TAFA2: variants seen among roughly 807,000 people sequenced by gnomAD.
TAFA2 encodes TAFA chemokine like family member 2.
A neutral mutation model predicts 18.8 loss-of-function variants in TAFA2; 7 were observed. The observed-to-expected ratio is 0.37, with a 90% CI of 0.21 to 0.70. TAFA2 has a LOEUF of 0.70. TAFA2 is among the 30% of genes least tolerant of loss of function. The pLI, the probability that TAFA2 is intolerant of heterozygous loss-of-function variation, is 0.53. For synonymous variants in TAFA2, 60 were observed against 54.2 expected, an observed-to-expected ratio of 1.11 and a Z score of -0.47; for missense variants, 122 against 158.1, an observed-to-expected ratio of 0.77 and a Z score of 1.23.
chr12:61,859,188 CT>C (rs2121188292), intron 2 of TAFA2, among the ~76,000 whole-genome samples: 1 of 152,304 alleles, frequency 6.6e-6, no homozygotes, highest in African/African-American at 2.4e-5. Context: ...AAGCAGGCAC[CT>C]TCTTCACAGG....
At chr12:61,739,511 C>A (rs1868364705) in intron 4 of TAFA2, among the ~76,000 whole-genome samples, 1 of 152,000 alleles carries the variant, frequency 6.6e-6, no homozygotes, top group Non-Finnish European at 1.5e-5. Context: ...GAATATTTAT[C>A]TTTACCTTCA....
chr12:61,969,080 T>C (rs1171319721), intron 1 of TAFA2, among the ~76,000 whole-genome samples: 1 of 151,744 alleles, frequency 6.6e-6, no homozygotes, highest in Non-Finnish European at 1.5e-5. Flanking sequence ...GTGTTCTGTT[T>C]TTCCCTTTCG....
In TAFA2 at chr12:61,782,554, A is replaced by G. The variant is rs78301056; in HGVS notation, c.107-27530T>C. Among the ~76,000 whole-genome samples the G allele has an allele frequency of 1.2e-3, 189 of 151,840 alleles. 4 individuals are homozygous for G. The East Asian group carries it at 0.031, about 25-fold the overall frequency. ...TTTTTACACATGTTATACAAAACCA[A>G]GCTGCACCCTGTCCACTTTGGACTT... On this transcript the variant is annotated intron_variant, in intron 2 of 4. Coordinates refer to ENST00000416284, the MANE Select transcript of TAFA2 (RefSeq NM_178539.5).
At chr12:61,847,850 G>A (rs1873469421) in intron 2 of TAFA2, among the ~76,000 whole-genome samples, 1 of 152,140 alleles carries the variant, frequency 6.6e-6, no homozygotes, top group South Asian at 2.1e-4. Flanking sequence ...TGCAGAGTTA[G>A]AAAATAATAC....
intron 2 of TAFA2, among the ~76,000 whole-genome samples, chr12:61,851,938 T>C (rs1873685129): frequency 6.6e-6 from 1 of 151,422 alleles, no homozygotes; most frequent in Admixed American, 6.6e-5. Flanking sequence ...CCGGGCACGG[T>C]GGCTCACGCC....
intron 2 of TAFA2, among the ~76,000 whole-genome samples, chr12:61,787,767 A>G (rs1870799026): frequency 6.6e-6 from 1 of 151,648 alleles, no homozygotes; most frequent in Admixed American, 6.6e-5. Context: ...CCACAAAGGC[A>G]AACAATAAGA....
At chr12:62,045,379 T>A (rs530330906) in intron 1 of TAFA2, among the ~76,000 whole-genome samples, 1 of 147,120 alleles carries the variant, frequency 6.8e-6, no homozygotes, top group South Asian at 2.1e-4. Context: ...GACCAAGAAA[T>A]TTTTTTTAAG....
rs56953703 is a variant in TAFA2 at position 61,887,435 on chromosome 12, C to CT, written c.-1-20010dup. On this transcript the variant is annotated intron_variant, in intron 1 of 4. Coordinates refer to ENST00000416284, the MANE Select transcript of TAFA2 (RefSeq NM_178539.5). ...AGAAAACACAAGTGTGAGCTAATTG[C>CT]TTTTTTTTTTTATTATACTTTAAGT... 1.2e-3 allele frequency among the ~76,000 whole-genome samples: 183 copies of CT among 146,776 alleles called. 1 individual carries two copies. The South Asian group carries it at 0.015, about 12-fold the overall frequency.
intron 2 of TAFA2, among the ~76,000 whole-genome samples, chr12:61,799,607 A>G (rs923818014): frequency 2.0e-5 from 3 of 152,038 alleles, no homozygotes; most frequent in Non-Finnish European, 2.9e-5. Context: ...CGGATCACGA[A>G]GTCAGGAAAT....
intron 1 of TAFA2, among the ~76,000 whole-genome samples, chr12:62,256,469 C>T (rs913711467): frequency 6.6e-6 from 1 of 152,184 alleles, no homozygotes; most frequent in Non-Finnish European, 1.5e-5. Context: ...AGATTTCCTT[C>T]ACCCATTTAC....
intron 2 of TAFA2, among the ~76,000 whole-genome samples, chr12:61,804,956 T>C (rs1871548902): frequency 1.3e-5 from 2 of 151,910 alleles, no homozygotes; most frequent in South Asian, 4.1e-4. Flanking sequence ...TACTTCTACA[T>C]AAAAATAATC....
chr12:62,014,557 G>A (rs375021121), intron 1 of TAFA2, among the ~76,000 whole-genome samples: 5 of 152,082 alleles, frequency 3.3e-5, no homozygotes, highest in South Asian at 2.1e-4. Flanking sequence ...GCTTAACCCC[G>A]GAAGGCAGAG....
chr12:61,913,969 G>A (rs1309084365), intron 1 of TAFA2, among the ~76,000 whole-genome samples: 3 of 152,100 alleles, frequency 2.0e-5, no homozygotes, highest in Non-Finnish European at 2.9e-5. Context: ...TTTTGGAAAC[G>A]GTTTTGTGAT....
At chr12:62,052,815 G>A (rs1027684847) in intron 1 of TAFA2, among the ~76,000 whole-genome samples, 64 of 152,126 alleles carry the variant, frequency 4.2e-4, no homozygotes, top group Admixed American at 2.6e-4. Flanking sequence ...TCCAAGCACC[G>A]ATATTTATTG....
chr12:62,021,071 A>G (rs1038422946), intron 1 of TAFA2, among the ~76,000 whole-genome samples: 2 of 152,176 alleles, frequency 1.3e-5, no homozygotes, highest in Non-Finnish European at 2.9e-5. Flanking sequence ...TAGAACACTT[A>G]CTAAAACAGA....
chr12:62,219,830 C>A (rs2062753259), intron 1 of TAFA2, among the ~76,000 whole-genome samples: 1 of 152,094 alleles, frequency 6.6e-6, no homozygotes, highest in Non-Finnish European at 1.5e-5. Context: ...AACACATTAC[C>A]TTTAAAACAC....
At chr12:62,142,019 G>C (rs190015847) in intron 1 of TAFA2, among the ~76,000 whole-genome samples, 2 of 152,100 alleles carry the variant, frequency 1.3e-5, no homozygotes, top group East Asian at 1.9e-4. Context: ...GGCATCACAC[G>C]GTCTCCTCAC....
intron 1 of TAFA2, among the ~76,000 whole-genome samples, chr12:62,125,808 A>T (rs77094296): frequency 0.02 from 3,014 of 152,120 alleles, 95 homozygotes; most frequent in African/African-American, 0.066. Context: ...AGTTACTTAA[A>T]CTTTTTGTTT....
At chr12:62,048,100 A>G (rs1287323459) in intron 1 of TAFA2, among the ~76,000 whole-genome samples, 2 of 152,234 alleles carry the variant, frequency 1.3e-5, no homozygotes, top group African/African-American at 4.8e-5. Context: ...AATAGTTTTG[A>G]TAACAGCAAC....
Sources: gnomAD v4.1 joint callset for allele counts (sites outside exome capture counted in the v4.1 genomes callset) on GRCh38, gnomAD v4.1.1 for gene constraint, MANE v1.5 for transcripts, NCBI Gene and HGNC (gene_info 2026-07-23, HGNC 2026-07-21) for gene names.